The following DSCAM variants were observed in gnomAD, a reference collection of about 807,000 sequenced individuals.
The protein encoded by DSCAM is DS cell adhesion molecule, also known as cell adhesion molecule DSCAM.
Under a neutral mutation model 217.7 loss-of-function variants are expected in DSCAM, and 47 were observed. That is an observed-to-expected ratio of 0.22 (90% CI 0.17 to 0.28). The LOEUF (loss-of-function observed/expected upper bound fraction) is 0.28. Ranked by LOEUF, DSCAM falls within the 10% of genes least tolerant of loss-of-function variation. The pLI is 1.00. For synonymous variants in DSCAM, 1,056 were observed against 1,015.3 expected (o/e 1.04, Z -0.76); for missense variants, 2,080 against 2,618.3 (o/e 0.79, Z 4.49).
chr21:40,399,087 A>G (rs937614549), intron 3 of DSCAM, among the ~76,000 whole-genome samples: 1 of 152,184 alleles, frequency 6.6e-6, no homozygotes, highest in Non-Finnish European at 1.5e-5. Context: ...CCTGAGCAAC[A>G]TAGCCAGACC....
chr21:40,137,270 G>GT (rs1337445973), intron 18 of DSCAM, among the ~76,000 whole-genome samples: 1 of 147,078 alleles, frequency 6.8e-6, no homozygotes, highest in South Asian at 2.2e-4. Flanking sequence ...ATTGGGGGGG[G>GT]GGTTCAAGTT....
chr21:40,469,300 TG>T (rs1426240172), intron 3 of DSCAM, among the ~76,000 whole-genome samples: 2 of 152,118 alleles, frequency 1.3e-5, no homozygotes, highest in African/African-American at 4.8e-5. Context: ...ATGGATGGTA[TG>T]TCCCGCTGAA....
intron 3 of DSCAM, among the ~76,000 whole-genome samples, chr21:40,662,980 G>A (rs973272591): frequency 1.3e-5 from 2 of 152,178 alleles, no homozygotes; most frequent in Admixed American, 6.5e-5. Flanking sequence ...AGCCCAGCTT[G>A]AGGGGCTCTG....
At chr21:40,516,672 C>G (rs531683204) in intron 3 of DSCAM, among the ~76,000 whole-genome samples, 65 of 152,238 alleles carry the variant, frequency 4.3e-4, no homozygotes, top group Non-Finnish European at 8.7e-4. Context: ...CAAAATGCAT[C>G]TCTATCTGCG....
At chr21:40,122,285 T>C (rs2090043716) in intron 20 of DSCAM, among the ~76,000 whole-genome samples, 1 of 152,044 alleles carries the variant, frequency 6.6e-6, no homozygotes, top group Non-Finnish European at 1.5e-5. Flanking sequence ...CAGGTAGGGA[T>C]TTTTAGTGCA....
At chr21:40,021,148 A>C (rs540661431) in intron 32 of DSCAM, among the ~76,000 whole-genome samples, 31 of 142,020 alleles carry the variant, frequency 2.2e-4, no homozygotes, top group Middle Eastern at 3.8e-3. Context: ...ACACACAGGG[A>C]GGCAGAAAGA....
intron 11 of DSCAM, among the ~76,000 whole-genome samples, chr21:40,222,982 T>C (rs372675345): frequency 2.0e-5 from 3 of 152,200 alleles, no homozygotes; most frequent in Non-Finnish European, 2.9e-5. Flanking sequence ...TAAACTTTAA[T>C]CCCTGGAAAT....
chr21:40,612,467 A>G (rs2089328519), intron 3 of DSCAM, among the ~76,000 whole-genome samples: 1 of 152,204 alleles, frequency 6.6e-6, no homozygotes, highest in African/African-American at 2.4e-5. Context: ...ATATCAGCTC[A>G]TGAATGACAA....
intron 3 of DSCAM, among the ~76,000 whole-genome samples, chr21:40,524,574 T>G (rs1232804153): frequency 1.3e-5 from 2 of 152,238 alleles, no homozygotes; most frequent in Non-Finnish European, 2.9e-5. Context: ...ACATGTCTGC[T>G]AAACATAGAA....
intron 16 of DSCAM, among the ~76,000 whole-genome samples, chr21:40,157,056 A>T (rs1244442571): frequency 6.6e-6 from 1 of 152,168 alleles, no homozygotes; most frequent in Non-Finnish European, 1.5e-5. Flanking sequence ...CTCTTAGCTA[A>T]CAACGGTTTC....
rs568292941 is a variant in DSCAM at position 40,452,458 on chromosome 21, G to A, written c.509-83213C>T. On this transcript the variant is annotated intron_variant, in intron 3 of 32. Coordinates refer to ENST00000400454, the MANE Select transcript of DSCAM (RefSeq NM_001389.5). ...AGTTAAGAAGTTAAAGAGTGATATC[G>A]TATGCAATTCTTGTTTTGCTCGTAA... Among the ~76,000 whole-genome samples, 5 of 151,972 alleles carry A rather than the reference G, an allele frequency of 3.3e-5. No homozygotes were observed. The South Asian group carries it at 6.2e-4, about 19-fold the overall frequency.
At chr21:40,823,877 C>T (rs1240432886) in intron 1 of DSCAM, among the ~76,000 whole-genome samples, 5 of 151,966 alleles carry the variant, frequency 3.3e-5, no homozygotes, top group Non-Finnish European at 7.4e-5. Flanking sequence ...GAATAATTCT[C>T]ATCAGGTGTT....
intron 3 of DSCAM, among the ~76,000 whole-genome samples, chr21:40,489,740 A>G (rs2076059578): frequency 8.0e-6 from 1 of 124,328 alleles, no homozygotes; most frequent in African/African-American, 3.1e-5. Flanking sequence ...CCGCCACTGC[A>G]CTCCAGCCTG....
At chr21:40,149,986 C>T (rs2090406982) in intron 16 of DSCAM, among the ~76,000 whole-genome samples, 1 of 152,218 alleles carries the variant, frequency 6.6e-6, no homozygotes, top group Non-Finnish European at 1.5e-5. Flanking sequence ...AACATGAATG[C>T]CACCACAATG....
intron 3 of DSCAM, among the ~76,000 whole-genome samples, chr21:40,674,597 A>G (rs2090314164): frequency 1.3e-5 from 2 of 148,262 alleles, no homozygotes; most frequent in South Asian, 2.2e-4. Context: ...AATCTCAGGT[A>G]TCATTAAAGG....
intron 3 of DSCAM, among the ~76,000 whole-genome samples, chr21:40,406,238 A>G (rs2075278899): frequency 6.6e-6 from 1 of 152,212 alleles, no homozygotes; most frequent in Non-Finnish European, 1.5e-5. Flanking sequence ...GGAAAATGGT[A>G]TGGAAGCTCC....
intron 1 of DSCAM, among the ~76,000 whole-genome samples, chr21:40,722,309 C>T (rs192353952): frequency 6.6e-6 from 1 of 152,054 alleles, no homozygotes; most frequent in East Asian, 1.9e-4. Context: ...AGATACATTA[C>T]TGTTAAGGCA....
chr21:40,511,989 T>TGAAAAA (rs2076261780), intron 3 of DSCAM, among the ~76,000 whole-genome samples: 1 of 9,972 alleles, frequency 1.0e-4, no homozygotes, highest in Non-Finnish European at 1.7e-4. Flanking sequence ...AGACTCTGTC[T>TGAAAAA]CAAAAAAAAA....
chr21:40,437,696 C>T (rs1181534378), intron 3 of DSCAM, among the ~76,000 whole-genome samples: 1 of 151,882 alleles, frequency 6.6e-6, no homozygotes, highest in Non-Finnish European at 1.5e-5. Context: ...ACTAAAAATA[C>T]AAAAATTAGC....
Sources: allele counts gnomAD v4.1 joint callset (sites outside exome capture counted in the v4.1 genomes callset), GRCh38; gene constraint gnomAD v4.1.1; transcripts MANE v1.5; gene names NCBI Gene and HGNC (gene_info 2026-07-23, HGNC 2026-07-21).